The following CDC14B variants were observed in gnomAD, a reference collection of about 807,000 sequenced individuals.
CDC14B encodes the protein cell division cycle 14B.
A neutral mutation model predicts 64.2 loss-of-function variants in CDC14B; 22 were observed. The ratio of observed to expected loss-of-function variants is 0.34; its 90% CI spans 0.24 to 0.49. The LOEUF is 0.49. Among genes scored for constraint, CDC14B ranks in the 20% least tolerant of loss-of-function variants. The probability of loss-of-function intolerance (pLI) is 0.99; values close to 1 mark genes in which losing one functional copy is unlikely to be tolerated. For synonymous variants in CDC14B, 191 were observed against 215.8 expected, an observed-to-expected ratio of 0.89 and a Z score of 1.01; for missense variants, 498 against 629.9, an observed-to-expected ratio of 0.79 and a Z score of 2.24.
downstream of CDC14B, among the ~76,000 whole-genome samples, chr9:96,499,911 C>T (rs972229635): frequency 5.3e-5 from 8 of 152,188 alleles, no homozygotes; most frequent in Non-Finnish European, 1.0e-4. Context: ...AAACCAAGCC[C>T]GCCCACAGCT....
chr9:96,546,923 G>C (rs958004060), intron 5 of CDC14B, among the ~76,000 whole-genome samples: 2 of 152,016 alleles, frequency 1.3e-5, no homozygotes, highest in African/African-American at 4.8e-5. Flanking sequence ...TTAGCTGGGC[G>C]TGGTGGCAGG....
At chr9:96,575,918 T>C (rs1197448516) in intron 1 of CDC14B, among the ~76,000 whole-genome samples, 1 of 152,194 alleles carries the variant, frequency 6.6e-6, no homozygotes, top group Non-Finnish European at 1.5e-5. Flanking sequence ...AATGAAAGGA[T>C]AGACAAAGGT....
intron 5 of CDC14B, among the ~76,000 whole-genome samples, chr9:96,545,196 A>C (rs904749552): frequency 6.6e-6 from 1 of 152,248 alleles, no homozygotes; most frequent in African/African-American, 2.4e-5. Flanking sequence ...ATTTAGGTAG[A>C]GAAACTAAGG....
intron 1 of CDC14B, among the ~76,000 whole-genome samples, chr9:96,602,805 T>C (rs1055580967): frequency 2.0e-5 from 3 of 152,166 alleles, no homozygotes; most frequent in African/African-American, 7.2e-5. Context: ...TTAGGATCAC[T>C]GATGATTTTT....
chr9:96,525,949 C>CT (rs1564245684), intron 9 of CDC14B, among the ~76,000 whole-genome samples: 1 of 152,158 alleles, frequency 6.6e-6, no homozygotes, highest in Non-Finnish European at 1.5e-5. Flanking sequence ...TGTGTCCCCC[C>CT]TAACCCAAAT....
At chr9:96,499,375 T>C (rs1833383107), downstream of CDC14B, among the ~76,000 whole-genome samples, 1 of 152,078 alleles carries the variant, frequency 6.6e-6, no homozygotes, top group African/African-American at 2.4e-5. Context: ...GCCCTTGGGG[T>C]CCTGCCCGGC....
intron 9 of CDC14B, among the ~76,000 whole-genome samples, chr9:96,524,436 A>G (rs1837261175): frequency 6.6e-6 from 1 of 152,172 alleles, no homozygotes; most frequent in African/African-American, 2.4e-5. Flanking sequence ...AAAGGCTTGT[A>G]ATTTTGCACT....
At chr9:96,578,393 T>C (rs1318242871) in intron 1 of CDC14B, among the ~76,000 whole-genome samples, 1 of 152,168 alleles carries the variant, frequency 6.6e-6, no homozygotes, top group African/African-American at 2.4e-5. Context: ...GAATACAGTG[T>C]GGAAAGGGAA....
At chr9:96,599,408 C>G (rs1846285351) in intron 1 of CDC14B, among the ~76,000 whole-genome samples, 1 of 151,604 alleles carries the variant, frequency 6.6e-6, no homozygotes, top group Non-Finnish European at 1.5e-5. Context: ...AAGAAGTACT[C>G]AAAAATAATA....
intron 1 of CDC14B, among the ~76,000 whole-genome samples, chr9:96,604,031 ACT>A (rs989103257): frequency 4.2e-4 from 64 of 152,278 alleles, no homozygotes; most frequent in African/African-American, 1.5e-3. Context: ...ACAGGCACAC[ACT>A]CTGTCTAGCT....
intron 7 of CDC14B, among the ~76,000 whole-genome samples, chr9:96,535,889 C>T (rs1261000364): frequency 6.6e-6 from 1 of 152,146 alleles, no homozygotes; most frequent in Non-Finnish European, 1.5e-5. Context: ...GCCAGGGCAA[C>T]ACAGTGAGAC....
intron 5 of CDC14B, among the ~76,000 whole-genome samples, chr9:96,542,349 C>CTG (rs16909850): frequency 2.6e-5 from 4 of 151,998 alleles, no homozygotes; most frequent in Non-Finnish European, 4.4e-5. Context: ...GTGTGTCTGT[C>CTG]TGTGTGTGTG....
chr9:96,502,956 T>C lies in CDC14B; in HGVS notation c.*797A>G, dbSNP rs1833688388. Reference sequence around the variant, plus strand: ...TCATGGAAGGAAATATGATTTTAATTTGTATGACTGGCAACCAAACAATGG... The same window carrying C: ...TCATGGAAGGAAATATGATTTTAATCTGTATGACTGGCAACCAAACAATGG... On this transcript the variant is annotated 3_prime_UTR_variant, in exon 14 of 14. Coordinates refer to ENST00000375241, the MANE Select transcript of CDC14B (RefSeq NM_033331.4). 2.5e-6 allele frequency: 1 copy of C among 398,460 alleles called. No homozygotes were observed. Among genetic ancestry groups the C allele is most frequent in the East Asian group, 3.6e-5 (1 of 28,068 alleles). The allele number at this position is 398,460 out of a possible 1,614,324, so 24.7% of individuals were successfully genotyped here. A position where few individuals can be genotyped will look rare whatever the true frequency, so the allele number is the denominator to read the frequency against.
At chr9:96,525,190 T>TC (rs1454775954) in intron 9 of CDC14B, among the ~76,000 whole-genome samples, 1 of 151,624 alleles carries the variant, frequency 6.6e-6, no homozygotes, top group Non-Finnish European at 1.5e-5. Flanking sequence ...GGCTGGACAC[T>TC]CCCCCTCTAA....
intron 1 of CDC14B, among the ~76,000 whole-genome samples, chr9:96,576,824 T>C (rs555107213): frequency 6.6e-6 from 1 of 152,054 alleles, no homozygotes; most frequent in Middle Eastern, 3.4e-3. Flanking sequence ...GATAGAACTG[T>C]TTTCAATATA....
intron 1 of CDC14B, among the ~76,000 whole-genome samples, chr9:96,590,942 AT>A: frequency 6.6e-6 from 1 of 152,156 alleles, no homozygotes; most frequent in Middle Eastern, 3.4e-3. Context: ...CCCTTTGCGT[AT>A]TTTTTAATTG....
chr9:96,521,395 A>C (rs1836696085), intron 12 of CDC14B, among the ~76,000 whole-genome samples: 1 of 152,192 alleles, frequency 6.6e-6, no homozygotes, highest in Admixed American at 6.5e-5. Flanking sequence ...CACCATTTTT[A>C]AAAAAGTATA....
chr9:96,515,665 G>C lies in CDC14B; in HGVS notation c.1344-5876C>G. ...GACACTTACAGCAGCTATCTGTCAG[G>C]GGGTCCTGATGGCTACTGTGTTCTG... On this transcript the variant is annotated intron_variant, in intron 12 of 13. Transcript: ENST00000375241. The surrounding 1 kb of genome is among the most constrained non-coding windows in gnomAD (Gnocchi z 4.3). The C allele has an allele frequency of 6.3e-7, 1 of 1,581,902 alleles. No homozygotes were observed. Among genetic ancestry groups the C allele is most frequent in the Non-Finnish European group, 8.6e-7 (1 of 1,164,274 alleles).
chr9:96,604,725 G>A (rs868606825), intron 1 of CDC14B, among the ~76,000 whole-genome samples: 6 of 149,216 alleles, frequency 4.0e-5, no homozygotes, highest in Middle Eastern at 3.6e-3. Context: ...CTGGAGTGTA[G>A]TGGCACGATC....
Sources: gnomAD v4.1 joint callset for allele counts (sites outside exome capture counted in the v4.1 genomes callset) on GRCh38, gnomAD v4.1.1 for gene constraint, Gnocchi (gnomAD v3.1) non-coding constraint, MANE v1.5 for transcripts, NCBI Gene and HGNC (gene_info 2026-07-23, HGNC 2026-07-21) for gene names.